Variants in NUBPL observed in about 807,000 individuals in gnomAD.
NUBPL encodes NUBP iron-sulfur cluster assembly factor, mitochondrial, also known as iron-sulfur cluster transfer protein NUBPL.
In NUBPL, 31 loss-of-function variants were observed where a neutral mutation model predicts 45.7. The observed-to-expected ratio is 0.68, with a 90% CI of 0.51 to 0.92. The LOEUF (loss-of-function observed/expected upper bound fraction) is 0.92, where lower values mean the gene tolerates loss of function less well. NUBPL is among the 40% of genes least tolerant of loss of function. The pLI, the probability that NUBPL is intolerant of heterozygous loss-of-function variation, is 0.00. For missense variants in NUBPL, 401 were observed against 398.7 expected (o/e 1.01, Z -0.05); for synonymous variants, 144 against 140.9 (o/e 1.02, Z -0.15).
At chr14:31,624,616 G>C (rs1184878748) in intron 4 of NUBPL, among the ~76,000 whole-genome samples, 1 of 152,142 alleles carries the variant, frequency 6.6e-6, no homozygotes, top group African/African-American at 2.4e-5. Flanking sequence ...CCAGGCTGGA[G>C]TGCAGTGATG....
chr14:31,661,578 G>A (rs897805914), intron 4 of NUBPL, among the ~76,000 whole-genome samples: 4 of 152,110 alleles, frequency 2.6e-5, no homozygotes, highest in Admixed American at 6.5e-5. Flanking sequence ...GTCTCGCACT[G>A]TCACCCAGGC....
At chr14:31,790,079 T>C (rs1349744671) in intron 7 of NUBPL, among the ~76,000 whole-genome samples, 1 of 152,196 alleles carries the variant, frequency 6.6e-6, no homozygotes, top group African/African-American at 2.4e-5. Flanking sequence ...GATAATACAT[T>C]AGTAAAATTG....
chr14:31,604,901 A>G (rs1195595540), intron 4 of NUBPL, among the ~76,000 whole-genome samples: 1 of 152,192 alleles, frequency 6.6e-6, no homozygotes, highest in Non-Finnish European at 1.5e-5. Flanking sequence ...TGATTTTTCT[A>G]TGTTATCATG....
intron 4 of NUBPL, among the ~76,000 whole-genome samples, chr14:31,599,603 T>G (rs190646587): frequency 6.6e-6 from 1 of 152,310 alleles, no homozygotes; most frequent in East Asian, 1.9e-4. Context: ...TCACAAAAAC[T>G]TCACCAAACT....
chr14:31,588,197 G>GTGCC (rs1330886834), intron 3 of NUBPL, among the ~76,000 whole-genome samples: 9 of 152,150 alleles, frequency 5.9e-5, no homozygotes, highest in Non-Finnish European at 1.3e-4. Flanking sequence ...TAACCTTTGT[G>GTGCC]TGCCTTGGTT....
At chr14:31,602,213 G>C (rs1334807710) in intron 4 of NUBPL, among the ~76,000 whole-genome samples, 1 of 151,988 alleles carries the variant, frequency 6.6e-6, no homozygotes, top group Non-Finnish European at 1.5e-5. Context: ...CACAGGAAGG[G>C]GAAGATCACA....
At chr14:31,684,872 A>G (rs2036917181) in intron 6 of NUBPL, among the ~76,000 whole-genome samples, 1 of 152,198 alleles carries the variant, frequency 6.6e-6, no homozygotes, top group African/African-American at 2.4e-5. Context: ...AATGTTGATT[A>G]TAGTAAGGGA....
intron 7 of NUBPL, among the ~76,000 whole-genome samples, chr14:31,802,725 T>A (rs1390584519): frequency 5.3e-5 from 8 of 152,158 alleles, no homozygotes; most frequent in African/African-American, 1.7e-4. Context: ...GATATTGTGT[T>A]ATGGCAAAAG....
At chr14:31,634,160 A>G (rs866464378) in intron 4 of NUBPL, among the ~76,000 whole-genome samples, 2 of 151,760 alleles carry the variant, frequency 1.3e-5, no homozygotes, top group South Asian at 4.2e-4. Context: ...ATATGTATAC[A>G]TGTACCATGT....
intron 4 of NUBPL, among the ~76,000 whole-genome samples, chr14:31,656,690 C>T (rs2036148883): frequency 6.6e-6 from 1 of 151,954 alleles, no homozygotes; most frequent in South Asian, 2.1e-4. Context: ...TGGTGCCCCA[C>T]AACAATTACA....
At chr14:31,561,799 C>T in intron 1 of NUBPL, 1 of 584,788 alleles carries the variant, frequency 1.7e-6, no homozygotes, top group South Asian at 2.3e-5. Flanking sequence ...TGAAGAAAAG[C>T]AAAACACGTG....
chr14:31,669,110 A>T (rs1435004278), intron 4 of NUBPL, among the ~76,000 whole-genome samples: 1 of 151,946 alleles, frequency 6.6e-6, no homozygotes, highest in Non-Finnish European at 1.5e-5. Flanking sequence ...TGACTCTCGA[A>T]CTTCAGCCTC....
intron 9 of NUBPL, among the ~76,000 whole-genome samples, chr14:31,847,484 A>G (rs2040472434): frequency 6.6e-6 from 1 of 152,212 alleles, no homozygotes; most frequent in African/African-American, 2.4e-5. Flanking sequence ...TGTGAGGAAA[A>G]CTAAAATCAT....
At chr14:31,571,716 C>T (rs2033591219) in intron 3 of NUBPL, among the ~76,000 whole-genome samples, 1 of 152,196 alleles carries the variant, frequency 6.6e-6, no homozygotes, top group Admixed American at 6.5e-5. Context: ...TCCCAAAGTG[C>T]TGGGATTACA....
chr14:31,677,576 G>T (rs1270897226), intron 6 of NUBPL, among the ~76,000 whole-genome samples: 2 of 152,188 alleles, frequency 1.3e-5, no homozygotes, highest in African/African-American at 4.8e-5. Flanking sequence ...CTGCCTTGAT[G>T]GTCTTGGACA....
At chr14:31,661,027 A>G (rs1405107150) in intron 4 of NUBPL, among the ~76,000 whole-genome samples, 1 of 152,244 alleles carries the variant, frequency 6.6e-6, no homozygotes, top group African/African-American at 2.4e-5. Flanking sequence ...AGTGGCATTT[A>G]TTCTAGTTTA....
intron 4 of NUBPL, among the ~76,000 whole-genome samples, chr14:31,630,103 T>A (rs1193056208): frequency 6.6e-6 from 1 of 152,174 alleles, no homozygotes; most frequent in Non-Finnish European, 1.5e-5. Flanking sequence ...GAGAATGAGT[T>A]AATTAAGATG....
Position 31,587,928 on chromosome 14 carries a change from T to A in NUBPL, c.292-11361T>A, listed in dbSNP as rs186178239. On this transcript the variant is annotated intron_variant, in intron 3 of 10. Coordinates refer to ENST00000281081, the MANE Select transcript of NUBPL (RefSeq NM_025152.3). ...TTAATAATTAGAATGTTATTTTTGATGGTTGTTTTGTATGATAAATAAATA... is the reference window on the plus strand; with the variant it reads ...TTAATAATTAGAATGTTATTTTTGAAGGTTGTTTTGTATGATAAATAAATA... Among the ~76,000 whole-genome samples, 6 of 152,352 alleles carry A rather than the reference T, an allele frequency of 3.9e-5. No individual in the cohort carries two copies. In the East Asian group the frequency reaches 1.2e-3, roughly 29 times the overall value.
chr14:31,644,077 T>G (rs908492304), intron 4 of NUBPL, among the ~76,000 whole-genome samples: 11 of 152,026 alleles, frequency 7.2e-5, no homozygotes, highest in African/African-American at 2.4e-4. Context: ...ATTTTGCTTG[T>G]CTTGTTTAAA....
Sources: gnomAD v4.1 joint callset for allele counts (sites outside exome capture counted in the v4.1 genomes callset) on GRCh38, gnomAD v4.1.1 for gene constraint, MANE v1.5 for transcripts, NCBI Gene and HGNC (gene_info 2026-07-23, HGNC 2026-07-21) for gene names.